SCFD2: variants seen among roughly 807,000 people sequenced by gnomAD.
The protein encoded by SCFD2 is sec1 family domain containing 2.
Under a neutral mutation model 58.9 loss-of-function variants are expected in SCFD2, and 54 were observed. The observed-to-expected ratio is 0.92, with a 90% CI of 0.74 to 1.15. The LOEUF (loss-of-function observed/expected upper bound fraction) is 1.15. Among genes scored for constraint, SCFD2 ranks in the 50% most tolerant of loss-of-function variants. The pLI, the probability that SCFD2 is intolerant of heterozygous loss-of-function variation, is 0.00. For missense variants in SCFD2, 805 were observed against 836.6 expected, an observed-to-expected ratio of 0.96 and a Z score of 0.47; for synonymous variants, 321 against 335.9, an observed-to-expected ratio of 0.96 and a Z score of 0.49.
chr4:52,906,981 C>T (rs1719361961), intron 7 of SCFD2, among the ~76,000 whole-genome samples: 1 of 152,154 alleles, frequency 6.6e-6, no homozygotes, highest in Non-Finnish European at 1.5e-5. Flanking sequence ...TAAATTCTGA[C>T]ACTTGTCGCC....
intron 5 of SCFD2, among the ~76,000 whole-genome samples, chr4:53,142,078 C>CA (rs1726185422): frequency 6.6e-6 from 1 of 152,186 alleles, no homozygotes; most frequent in South Asian, 2.1e-4. Context: ...ATTAAGTCCA[C>CA]AAGTCCACCC....
At chr4:53,151,794 C>A (rs1460458104) in intron 4 of SCFD2, among the ~76,000 whole-genome samples, 3 of 152,222 alleles carry the variant, frequency 2.0e-5, no homozygotes, top group African/African-American at 7.2e-5. Context: ...CACAGTTCTG[C>A]AGGTTGTACA....
At chr4:53,243,114 T>A (rs1729952745) in intron 4 of SCFD2, among the ~76,000 whole-genome samples, 1 of 152,136 alleles carries the variant, frequency 6.6e-6, no homozygotes, top group Non-Finnish European at 1.5e-5. Context: ...ACATTCAAAT[T>A]CAGAAACTGC....
intron 2 of SCFD2, among the ~76,000 whole-genome samples, chr4:53,350,224 A>G (rs1734175465): frequency 6.6e-6 from 1 of 152,130 alleles, no homozygotes; most frequent in Admixed American, 6.5e-5. Flanking sequence ...GCCATGCCAT[A>G]TGATATTAGC....
At chr4:53,175,418 G>A (rs1425291433) in intron 4 of SCFD2, among the ~76,000 whole-genome samples, 1 of 152,022 alleles carries the variant, frequency 6.6e-6, no homozygotes, top group Non-Finnish European at 1.5e-5. Context: ...ATGGAACGAG[G>A]CTAAAAATTA....
At chr4:53,211,246 A>AAAAAAG (rs1728601153) in intron 4 of SCFD2, among the ~76,000 whole-genome samples, 1 of 151,662 alleles carries the variant, frequency 6.6e-6, no homozygotes, top group Non-Finnish European at 1.5e-5. Context: ...CATGTGAAAA[A>AAAAAAG]AAAAAAAAAA....
intron 5 of SCFD2, among the ~76,000 whole-genome samples, chr4:53,079,999 G>A (rs1162962716): frequency 6.6e-6 from 1 of 152,152 alleles, no homozygotes; most frequent in African/African-American, 2.4e-5. Context: ...ACGTATTCCT[G>A]TTGTGTAACA....
chr4:53,190,301 T>C (rs185423296), intron 4 of SCFD2, among the ~76,000 whole-genome samples: 25 of 152,318 alleles, frequency 1.6e-4, no homozygotes, highest in Admixed American at 9.8e-4. Context: ...GTCCTTATCA[T>C]GGTCTACAAG....
intron 5 of SCFD2, among the ~76,000 whole-genome samples, chr4:52,991,448 A>G (rs1327156313): frequency 6.6e-6 from 1 of 152,080 alleles, no homozygotes; most frequent in Non-Finnish European, 1.5e-5. Context: ...TTCAGGGGAG[A>G]ACCCCTACTA....
chr4:53,356,763 G>A (rs1312685936), intron 1 of SCFD2, among the ~76,000 whole-genome samples: 6 of 127,102 alleles, frequency 4.7e-5, no homozygotes, highest in African/African-American at 1.8e-4. Context: ...TTGAGACATA[G>A]TCTTGCTCTG....
At chr4:53,032,860 A>G (rs1471395280) in intron 5 of SCFD2, among the ~76,000 whole-genome samples, 1 of 152,146 alleles carries the variant, frequency 6.6e-6, no homozygotes, top group Non-Finnish European at 1.5e-5. Context: ...CTCCCACACA[A>G]TAATAGTAGG....
chr4:53,300,620 C>G (rs939595571), intron 3 of SCFD2, among the ~76,000 whole-genome samples: 1 of 152,198 alleles, frequency 6.6e-6, no homozygotes, highest in Non-Finnish European at 1.5e-5. Context: ...CTACAGAACT[C>G]TCCACTCCAA....
At chr4:53,286,836 C>T (rs745970108) in intron 3 of SCFD2, among the ~76,000 whole-genome samples, 1 of 152,114 alleles carries the variant, frequency 6.6e-6, no homozygotes, top group Non-Finnish European at 1.5e-5. Context: ...TACCCCCATT[C>T]CTGGGCCCTT....
chr4:53,365,723 T>G lies in SCFD2; in HGVS notation c.219A>C (p.Ala73=), dbSNP rs1173598579. 4 of 1,613,958 alleles carry G rather than the reference T, an allele frequency of 2.5e-6. No homozygotes were observed. In the African/African-American group the frequency reaches 5.3e-5, roughly 22 times the overall value. The change falls in exon 1 of 9, where the codon GCA becomes GCC. Residue 73 remains alanine (A), a synonymous_variant. Coordinates refer to ENST00000401642, the MANE Select transcript of SCFD2 (RefSeq NM_152540.4). The surrounding 1 kb of genome is among the most constrained non-coding windows in gnomAD (Gnocchi z 4.3). ...TCAGCAGGCAGCTCAGCACAAACAC[T>G]GCCTTGGGCTGCTTGGCTCCACCAC... ...AIGGGAKQPK[A]VFVLSCLLKG...
chr4:52,972,604 TCAA>T (rs1483505337), intron 5 of SCFD2, among the ~76,000 whole-genome samples: 3 of 152,088 alleles, frequency 2.0e-5, no homozygotes, highest in Admixed American at 6.6e-5. Flanking sequence ...ATTAGACAGA[TCAA>T]CAAGACAGAA....
intron 4 of SCFD2, among the ~76,000 whole-genome samples, chr4:53,249,053 T>C (rs139602736): frequency 0.018 from 2,771 of 152,140 alleles, 90 homozygotes; most frequent in African/African-American, 0.063. Context: ...GTTAAAAACT[T>C]TGAAAAAAAT....
Position 53,146,912 on chromosome 4 carries a change from T to C in SCFD2, c.1312-1330A>G, listed in dbSNP as rs570576736. Among the ~76,000 whole-genome samples, 234 of 152,360 alleles carry C rather than the reference T, an allele frequency of 1.5e-3. 1 individual carries two copies. The highest frequency in any genetic ancestry group is 5.5e-3 in the African/African-American group (230 of 41,586). On this transcript the variant is annotated intron_variant, in intron 4 of 8. Coordinates refer to ENST00000401642, the MANE Select transcript of SCFD2 (RefSeq NM_152540.4). ...ACAGTATATACAGGATTCAGGACTA[T>C]GGATAGTTTCAGGAATCTACTGGCA...
chr4:52,982,083 A>G (rs1426306419), intron 5 of SCFD2, among the ~76,000 whole-genome samples: 3 of 152,224 alleles, frequency 2.0e-5, no homozygotes, highest in African/African-American at 7.2e-5. Flanking sequence ...GGATAATGGT[A>G]CTGTTTATAA....
intron 3 of SCFD2, 96 bp from the exon 4 acceptor site, chr4:53,274,097 C>G (rs370723673): frequency 1.9e-6 from 2 of 1,060,208 alleles, no homozygotes. Flanking sequence ...TGTATTTGGG[C>G]AGAACTTCAG....
Sources: gnomAD v4.1 joint callset for allele counts (sites outside exome capture counted in the v4.1 genomes callset) on GRCh38, gnomAD v4.1.1 for gene constraint, Gnocchi (gnomAD v3.1) non-coding constraint, MANE v1.5 for transcripts, NCBI Gene and HGNC (gene_info 2026-07-23, HGNC 2026-07-21) for gene names.